Variants in ARHGAP42 observed in about 807,000 individuals in gnomAD.
ARHGAP42 encodes Rho GTPase activating protein 42, also known as rho GTPase-activating protein 42.
In ARHGAP42, 63 loss-of-function variants were observed where a neutral mutation model predicts 125.0. That is an observed-to-expected ratio of 0.50 (90% CI 0.41 to 0.62). The LOEUF (loss-of-function observed/expected upper bound fraction) is 0.62, where lower values mean the gene tolerates loss of function less well. ARHGAP42 is among the 20% of genes least tolerant of loss of function. ARHGAP42 has a pLI of 0.00. For missense variants in ARHGAP42, 766 were observed against 1,024.2 expected (o/e 0.75, Z 3.44); for synonymous variants, 339 against 351.0 (o/e 0.97, Z 0.38).
intron 1 of ARHGAP42, among the ~76,000 whole-genome samples, chr11:100,739,894 G>A (rs1256336376): frequency 6.6e-6 from 1 of 152,032 alleles, no homozygotes; most frequent in African/African-American, 2.4e-5. Context: ...AGTGCCATCT[G>A]ACCCACAGTC....
chr11:100,934,992 T>G (rs1867693221), intron 7 of ARHGAP42, among the ~76,000 whole-genome samples: 1 of 152,128 alleles, frequency 6.6e-6, no homozygotes, highest in South Asian at 2.1e-4. Context: ...TATGATTTAC[T>G]TCCACATTAA....
chr11:100,754,102 C>A (rs1862521683), intron 1 of ARHGAP42, among the ~76,000 whole-genome samples: 1 of 152,140 alleles, frequency 6.6e-6, no homozygotes, highest in Non-Finnish European at 1.5e-5. Flanking sequence ...CCCATTAGTG[C>A]TACTTATAAC....
At chr11:100,886,819 G>T (rs1172848081) in intron 4 of ARHGAP42, among the ~76,000 whole-genome samples, 1 of 152,106 alleles carries the variant, frequency 6.6e-6, no homozygotes, top group Non-Finnish European at 1.5e-5. Flanking sequence ...CAAATATAGT[G>T]GGAAGAACAC....
At chr11:100,893,544 G>A (rs1010894208) in intron 4 of ARHGAP42, among the ~76,000 whole-genome samples, 5 of 151,898 alleles carry the variant, frequency 3.3e-5, no homozygotes, top group African/African-American at 4.8e-5. Context: ...ATTGGCAAAC[G>A]GGACAGATTG....
chr11:100,721,448 C>G (rs946656771), intron 1 of ARHGAP42, among the ~76,000 whole-genome samples: 4 of 151,862 alleles, frequency 2.6e-5, no homozygotes, highest in Non-Finnish European at 5.9e-5. Flanking sequence ...AATGCATATT[C>G]CATGACTTGA....
intron 4 of ARHGAP42, among the ~76,000 whole-genome samples, chr11:100,875,765 G>GGGC (rs1022216237): frequency 6.6e-6 from 1 of 152,086 alleles, no homozygotes; most frequent in Non-Finnish European, 1.5e-5. Context: ...GGGTGGCGGG[G>GGGC]GGTGACTGGA....
At chr11:100,811,557 T>A (rs1173150701) in intron 3 of ARHGAP42, among the ~76,000 whole-genome samples, 1 of 150,300 alleles carries the variant, frequency 6.7e-6, no homozygotes, top group Non-Finnish European at 1.5e-5. Flanking sequence ...CAGACTGGAG[T>A]GCAGTGGTGT....
intron 3 of ARHGAP42, among the ~76,000 whole-genome samples, chr11:100,837,666 C>CTATTTTTTTTTTTT (rs1555008871): frequency 1.3e-4 from 8 of 61,042 alleles, no homozygotes; most frequent in African/African-American, 5.6e-4. Flanking sequence ...AGGTGTCATC[C>CTATTTTTTTTTTTT]TTTTTTTTTT....
intron 2 of ARHGAP42, among the ~76,000 whole-genome samples, chr11:100,790,839 C>G (rs182442344): frequency 3.9e-5 from 6 of 152,156 alleles, no homozygotes; most frequent in Non-Finnish European, 8.8e-5. Flanking sequence ...TGTTGTGTTA[C>G]ATGTTAGTCT....
At chr11:100,922,288 G>T (rs992375812) in intron 6 of ARHGAP42, among the ~76,000 whole-genome samples, 1 of 152,128 alleles carries the variant, frequency 6.6e-6, no homozygotes, top group African/African-American at 2.4e-5. Context: ...ATTTTCCTAA[G>T]TCAGTGTAAA....
At chr11:100,694,464 C>T (rs1861241716) in intron 1 of ARHGAP42, among the ~76,000 whole-genome samples, 2 of 152,172 alleles carry the variant, frequency 1.3e-5, no homozygotes, top group Admixed American at 6.5e-5. Flanking sequence ...TGATTTCTTG[C>T]GAGAGCTGTG....
chr11:100,749,776 T>C (rs1445138639), intron 1 of ARHGAP42, among the ~76,000 whole-genome samples: 1 of 152,076 alleles, frequency 6.6e-6, no homozygotes, highest in Non-Finnish European at 1.5e-5. Flanking sequence ...CACCATCCAC[T>C]GGAACAACAC....
intron 23 of ARHGAP42, 113 bp downstream of exon 23, chr11:100,987,705 C>A: frequency 1.0e-6 from 1 of 962,266 alleles, no homozygotes; most frequent in African/African-American, 1.6e-5. Context: ...TATCCCATGT[C>A]CTGCCTCTCA....
At chr11:100,931,723 GT>G (rs1867588278) in intron 6 of ARHGAP42, among the ~76,000 whole-genome samples, 1 of 151,976 alleles carries the variant, frequency 6.6e-6, no homozygotes, top group Non-Finnish European at 1.5e-5. Flanking sequence ...TTTCAAAAAT[GT>G]TTTCTTTTCT....
chr11:100,747,209 A>G (rs1862324949), intron 1 of ARHGAP42, among the ~76,000 whole-genome samples: 1 of 152,234 alleles, frequency 6.6e-6, no homozygotes. Flanking sequence ...GGGGACATCA[A>G]GAGTGGACTT....
intron 4 of ARHGAP42, among the ~76,000 whole-genome samples, chr11:100,893,249 G>T (rs897311710): frequency 2.6e-5 from 4 of 151,410 alleles, no homozygotes; most frequent in Non-Finnish European, 5.9e-5. Flanking sequence ...TCAGCATTAT[G>T]TTATTGTAAG....
At chr11:100,981,278 G>T (rs763307176) in intron 22 of ARHGAP42, among the ~76,000 whole-genome samples, 1 of 152,162 alleles carries the variant, frequency 6.6e-6, no homozygotes, top group Non-Finnish European at 1.5e-5. Context: ...TGTTGAAACT[G>T]CTTGCCTAAG....
intron 3 of ARHGAP42, among the ~76,000 whole-genome samples, chr11:100,819,843 G>C (rs534206188): frequency 4.4e-4 from 67 of 152,198 alleles, no homozygotes; most frequent in Non-Finnish European, 5.0e-4. Context: ...TGGCTTGTGA[G>C]GCACTTGTTT....
intron 3 of ARHGAP42, among the ~76,000 whole-genome samples, chr11:100,804,436 G>C (rs1336361766): frequency 6.6e-6 from 1 of 151,832 alleles, no homozygotes; most frequent in African/African-American, 2.4e-5. Context: ...TTCTTTATAA[G>C]ACTATTAAGG....
Sources: gnomAD v4.1 joint callset for allele counts (sites outside exome capture counted in the v4.1 genomes callset) on GRCh38, gnomAD v4.1.1 for gene constraint, MANE v1.5 for transcripts, NCBI Gene and HGNC (gene_info 2026-07-23, HGNC 2026-07-21) for gene names.